The following IQSEC1 variants were observed in gnomAD, a reference collection of about 807,000 sequenced individuals.
IQSEC1 encodes the protein IQ motif and Sec7 domain ArfGEF 1, also known as IQ motif and SEC7 domain-containing protein 1.
A neutral mutation model predicts 91.0 loss-of-function variants in IQSEC1; 31 were observed. The observed-to-expected ratio is 0.34, with a 90% CI of 0.26 to 0.46. IQSEC1 has a LOEUF of 0.46. Ranked by LOEUF, IQSEC1 falls within the 20% of genes least tolerant of loss-of-function variation. The pLI is 1.00. For missense variants in IQSEC1, 1,388 were observed against 1,575.6 expected, an observed-to-expected ratio of 0.88 and a Z score of 2.02; for synonymous variants, 699 against 662.6, an observed-to-expected ratio of 1.05 and a Z score of -0.84.
At chr3:13,004,965 C>T (rs1037718844) in intron 1 of IQSEC1, among the ~76,000 whole-genome samples, 2 of 152,190 alleles carry the variant, frequency 1.3e-5, no homozygotes, top group African/African-American at 4.8e-5. Flanking sequence ...GATCTCTCAT[C>T]CCGTATGTGC....
chr3:13,073,501 G>A (rs1008160085), upstream of IQSEC1, among the ~76,000 whole-genome samples: 8 of 152,126 alleles, frequency 5.3e-5, no homozygotes, highest in Non-Finnish European at 1.2e-4. Flanking sequence ...CGGCCGCGCC[G>A]GACCAATCGC....
At chr3:13,033,495 C>T (rs1284805998) in intron 1 of IQSEC1, among the ~76,000 whole-genome samples, 1 of 151,698 alleles carries the variant, frequency 6.6e-6, no homozygotes, top group African/African-American at 2.4e-5. Flanking sequence ...AGAAACAGAG[C>T]CAATAGGAGA....
chr3:13,203,446 G>A (rs1694283342), intron 1 of IQSEC1, among the ~76,000 whole-genome samples: 1 of 152,144 alleles, frequency 6.6e-6, no homozygotes. Flanking sequence ...CACATGCACA[G>A]GACAAATTCC....
At chr3:13,005,874 C>T (rs1702614404) in intron 1 of IQSEC1, among the ~76,000 whole-genome samples, 2 of 152,296 alleles carry the variant, frequency 1.3e-5, no homozygotes, top group Non-Finnish European at 2.9e-5. Context: ...AGCCTCAGCT[C>T]CCTCCCTGGT....
rs912904750 is a variant in IQSEC1, at chr3:12,993,952, C to T, written c.24-52087G>A. Among the ~76,000 whole-genome samples, 5 of 151,932 alleles carry T rather than the reference C, an allele frequency of 3.3e-5. No homozygotes were observed. The East Asian group carries it at 5.8e-4, about 18-fold the overall frequency. ...CAACTGCGTGTCGGTGCAACCGCGGCCCCGGGGGCGGAGCTGCCGCCCAGG... is the reference window on the plus strand; with the variant it reads ...CAACTGCGTGTCGGTGCAACCGCGGTCCCGGGGGCGGAGCTGCCGCCCAGG... On this transcript the variant is annotated intron_variant, in intron 1 of 13. Transcript: ENST00000613206.
intron 1 of IQSEC1, among the ~76,000 whole-genome samples, chr3:13,239,873 C>T (rs988587479): frequency 2.0e-5 from 3 of 152,024 alleles, no homozygotes; most frequent in African/African-American, 4.8e-5. Flanking sequence ...CGAGGGGCTG[C>T]GGGTGGGGAG....
At position 13,008,777 on chromosome 3, in the gene IQSEC1, C is replaced by T. The variant is rs765766589; in HGVS notation, c.23+64215G>A. Reference sequence around the variant, plus strand: ...TACTGATAGAACAACGCTCTTGATCCGGCTCCAGGGCAGAAAGGGGAGCTC... The same window carrying T: ...TACTGATAGAACAACGCTCTTGATCTGGCTCCAGGGCAGAAAGGGGAGCTC... On this transcript the variant is annotated intron_variant, in intron 1 of 13. Coordinates refer to ENST00000613206, the MANE Select transcript of IQSEC1 (RefSeq NM_001134382.3). The surrounding 1 kb of genome is among the most constrained non-coding windows in gnomAD (Gnocchi z 4.1). Among the ~76,000 whole-genome samples the T allele has an allele frequency of 1.3e-4, 20 of 152,170 alleles. No homozygotes were observed. Among genetic ancestry groups the T allele is most frequent in the Non-Finnish European group, 2.1e-4 (14 of 68,032 alleles).
chr3:12,942,845 C>T (rs539000836), intron 1 of IQSEC1, among the ~76,000 whole-genome samples: 3 of 152,274 alleles, frequency 2.0e-5, no homozygotes, highest in African/African-American at 4.8e-5. Flanking sequence ...GCCACGGACG[C>T]GCACAGAGGG....
intron 2 of IQSEC1, among the ~76,000 whole-genome samples, chr3:13,082,491 A>T (rs1705661401): frequency 2.0e-5 from 3 of 152,082 alleles, no homozygotes; most frequent in Admixed American, 2.0e-4. Flanking sequence ...GGCATTCTCT[A>T]TGGGCTTTCA....
chr3:13,277,125 A>C (rs1408851807), intron 1 of IQSEC1, among the ~76,000 whole-genome samples: 1 of 150,346 alleles, frequency 6.7e-6, no homozygotes, highest in East Asian at 1.9e-4. Context: ...AAAAAAAAAA[A>C]AAAAAAAAAA....
intron 1 of IQSEC1, among the ~76,000 whole-genome samples, chr3:13,057,383 C>A (rs1358886518): frequency 1.3e-5 from 2 of 152,184 alleles, no homozygotes; most frequent in African/African-American, 2.4e-5. Flanking sequence ...CTTTTCCATG[C>A]CCAATGGAGG....
intron 1 of IQSEC1, among the ~76,000 whole-genome samples, chr3:13,069,912 A>G (rs1705357965): frequency 6.6e-6 from 1 of 152,152 alleles, no homozygotes; most frequent in Admixed American, 6.5e-5. Flanking sequence ...ATGTTCCCCC[A>G]TTGGGTTAAG....
At position 13,263,212 on chromosome 3, in the gene IQSEC1, G is replaced by A. The variant is rs113179849; in HGVS notation, c.272+19499C>T. Among the ~76,000 whole-genome samples the A allele has an allele frequency of 2.8e-3, 430 of 151,794 alleles. 4 individuals carry two copies. Among genetic ancestry groups the A allele is most frequent in the African/African-American group, 9.0e-3 (374 of 41,368 alleles). On this transcript the variant is annotated intron_variant, in intron 1 of 15. Transcript: ENST00000648114. Reference sequence around the variant, plus strand: ...TTGCAGTGAGCCATATCACACCACCGCACTTCAGCCTAGGTGATAGATCGA... The same window carrying A: ...TTGCAGTGAGCCATATCACACCACCACACTTCAGCCTAGGTGATAGATCGA...
At chr3:12,927,376 G>A (rs1697240235) in intron 3 of IQSEC1, among the ~76,000 whole-genome samples, 1 of 152,190 alleles carries the variant, frequency 6.6e-6, no homozygotes, top group Admixed American at 6.5e-5. Context: ...CCCGACCCCT[G>A]CTGCCTGGTC....
chr3:13,055,693 G>A (rs1436485063), intron 1 of IQSEC1, among the ~76,000 whole-genome samples: 2 of 152,242 alleles, frequency 1.3e-5, no homozygotes, highest in African/African-American at 4.8e-5. Context: ...GAGTGGCGAA[G>A]CAGGGGGCTG....
At chr3:13,186,489 T>C (rs1003835083) in intron 1 of IQSEC1, among the ~76,000 whole-genome samples, 8 of 152,218 alleles carry the variant, frequency 5.3e-5, no homozygotes, top group Non-Finnish European at 4.4e-5. Flanking sequence ...TTGGACTCTC[T>C]GGTATTTTAA....
intron 2 of IQSEC1, among the ~76,000 whole-genome samples, chr3:13,095,022 C>G (rs1015033013): frequency 1.3e-5 from 2 of 151,984 alleles, no homozygotes; most frequent in African/African-American, 2.4e-5. Context: ...TGGAGCCACA[C>G]CTGGGCAAAC....
chr3:13,049,464 C>T (rs1346463808), intron 1 of IQSEC1, among the ~76,000 whole-genome samples: 2 of 152,174 alleles, frequency 1.3e-5, no homozygotes, highest in African/African-American at 2.4e-5. Flanking sequence ...ACACTTCATC[C>T]GACCCTTGCA....
intron 8 of IQSEC1, among the ~76,000 whole-genome samples, chr3:12,914,478 C>T (rs1290535548): frequency 2.0e-5 from 3 of 152,136 alleles, no homozygotes; most frequent in African/African-American, 7.2e-5. Flanking sequence ...GTGGCCCAGC[C>T]TGGGGTGCTT....
Sources: gnomAD v4.1 joint callset for allele counts (sites outside exome capture counted in the v4.1 genomes callset) on GRCh38, gnomAD v4.1.1 for gene constraint, Gnocchi (gnomAD v3.1) non-coding constraint, MANE v1.5 for transcripts, NCBI Gene and HGNC (gene_info 2026-07-23, HGNC 2026-07-21) for gene names.